The following CDK8 variants were observed in gnomAD, a reference collection of about 807,000 sequenced individuals.
CDK8 encodes the protein cyclin-dependent kinase 8.
Under a neutral mutation model 71.5 loss-of-function variants are expected in CDK8, and 29 were observed. That is an observed-to-expected ratio of 0.41 (90% CI 0.30 to 0.55). CDK8 has a LOEUF of 0.55. Among genes scored for constraint, CDK8 ranks in the 20% least tolerant of loss-of-function variants. The probability of loss-of-function intolerance (pLI) is 0.37; values close to 1 mark genes in which losing one functional copy is unlikely to be tolerated. For missense variants in CDK8, 288 were observed against 572.6 expected (o/e 0.50, Z 5.07); for synonymous variants, 161 against 192.1 (o/e 0.84, Z 1.34).
rs986144848 is a variant in CDK8 at position 26,404,141 on chromosome 13, C to G, written c.*60C>G. ...ATGCTGCAGGGCTGACTGTGCAGCT[C>G]TCTGCGGGAACCTGGTATGGGCCAT... is the stretch of plus-strand genomic sequence containing the variant. On this transcript the variant is annotated 3_prime_UTR_variant, in exon 13 of 13. Transcript: ENST00000381527. The G allele has an allele frequency of 2.5e-6, 4 of 1,589,892 alleles. No individual in the cohort carries two copies. The highest frequency in any genetic ancestry group is 1.1e-5 in the South Asian group (1 of 88,544).
chr13:26,324,648 C>A (rs1422835757), intron 1 of CDK8: 1 of 156,778 alleles, frequency 6.4e-6, no homozygotes, highest in East Asian at 1.9e-4. Context: ...ACATTAATTT[C>A]TGTTTTTAGG....
At chr13:26,300,474 AC>A (rs1245450708) in intron 1 of CDK8, among the ~76,000 whole-genome samples, 11 of 152,128 alleles carry the variant, frequency 7.2e-5, no homozygotes, top group Admixed American at 7.2e-4. Context: ...ATATTTTCAG[AC>A]TGAGGTTGAC....
Position 26,254,887 on chromosome 13 carries a change from G to A in CDK8, c.128+118G>A. On this transcript the variant is annotated intron_variant, in intron 1 of 12. Coordinates refer to ENST00000381527, the MANE Select transcript of CDK8 (RefSeq NM_001260.3). The surrounding 1 kb of genome is among the most constrained non-coding windows in gnomAD (Gnocchi z 6.7). ...CCGGGCTCTGACTTCCTCGACGCCG[G>A]CCTCTGGCTCCGCCAGCCAGGTTTG... The A allele has an allele frequency of 2.1e-6, 3 of 1,411,160 alleles. No individual in the cohort carries two copies. The highest frequency in any genetic ancestry group is 4.6e-5 in the Admixed American group (2 of 43,292). The allele number at this position is 1,411,160 out of a possible 1,614,324, so 87.4% of individuals were successfully genotyped here.
chr13:26,358,197 G>T (rs1873978756), intron 4 of CDK8, among the ~76,000 whole-genome samples: 1 of 152,144 alleles, frequency 6.6e-6, no homozygotes, highest in Admixed American at 6.5e-5. Flanking sequence ...TACTTGGGAG[G>T]TTGAGGCAGG....
At chr13:26,308,735 A>T (rs968388528) in intron 1 of CDK8, among the ~76,000 whole-genome samples, 1 of 152,220 alleles carries the variant, frequency 6.6e-6, no homozygotes, top group Admixed American at 6.5e-5. Flanking sequence ...ATCTTTTAGA[A>T]GAGTTGTTTG....
At chr13:26,339,073 A>G (rs940009796) in intron 2 of CDK8, among the ~76,000 whole-genome samples, 3 of 152,226 alleles carry the variant, frequency 2.0e-5, no homozygotes, top group Non-Finnish European at 2.9e-5. Context: ...ATGAAAGCCT[A>G]CTTTTAATGT....
intron 4 of CDK8, among the ~76,000 whole-genome samples, chr13:26,379,545 C>T (rs1159768551): frequency 6.6e-6 from 1 of 152,076 alleles, no homozygotes; most frequent in African/African-American, 2.4e-5. Flanking sequence ...ACCATCCATC[C>T]CAGGGCTTTT....
chr13:26,291,161 T>A (rs1280832955), intron 1 of CDK8, among the ~76,000 whole-genome samples: 2 of 151,812 alleles, frequency 1.3e-5, no homozygotes, highest in African/African-American at 2.4e-5. Flanking sequence ...ACACAAATAC[T>A]GTGTTACAGT....
intron 1 of CDK8, among the ~76,000 whole-genome samples, chr13:26,297,408 C>G (rs1459590604): frequency 2.0e-5 from 3 of 152,186 alleles, no homozygotes; most frequent in African/African-American, 7.2e-5. Flanking sequence ...ATGACAGTCA[C>G]TAACCTTGTT....
rs377113719 is a variant in CDK8 at position 26,349,864 on chromosome 13, C to T, written c.315+682C>T. Among the ~76,000 whole-genome samples, 29 of 152,172 alleles carry T rather than the reference C, an allele frequency of 1.9e-4. No homozygotes were observed. In the East Asian group the frequency reaches 2.1e-3, roughly 11 times the overall value. Reference sequence around the variant, plus strand: ...AGTAGTTCAATACAGTATAGTCATGCGCCATATAATGTTATTGTCAACTAG... The same window carrying T: ...AGTAGTTCAATACAGTATAGTCATGTGCCATATAATGTTATTGTCAACTAG... On this transcript the variant is annotated intron_variant, in intron 3 of 12. Coordinates refer to ENST00000381527, the MANE Select transcript of CDK8 (RefSeq NM_001260.3).
At position 26,404,607 on chromosome 13, in the gene CDK8, A is replaced by G; in HGVS notation, c.*526A>G. The G allele has an allele frequency of 4.3e-6, 1 of 231,808 alleles. No homozygotes were observed. The highest frequency in any genetic ancestry group is 8.5e-6 in the Non-Finnish European group (1 of 117,204). The allele number at this position is 231,808 out of a possible 1,614,324, so 14.4% of individuals were successfully genotyped here. A position where few individuals can be genotyped will look rare whatever the true frequency, so the allele number is the denominator to read the frequency against. On this transcript the variant is annotated 3_prime_UTR_variant, in exon 13 of 13. Coordinates refer to ENST00000381527, the MANE Select transcript of CDK8 (RefSeq NM_001260.3). ...ATCAGTGGGCTGATTCATTTTCTAC[A>G]TTAATCAGTGTTTTCTGACCAAGAA...
chr13:26,256,257 TA>T (rs1272497129), intron 1 of CDK8, among the ~76,000 whole-genome samples: 7 of 152,220 alleles, frequency 4.6e-5, no homozygotes, highest in Non-Finnish European at 8.8e-5. Flanking sequence ...GTTGTCTAAT[TA>T]GACTTATTGT....
intron 4 of CDK8, among the ~76,000 whole-genome samples, chr13:26,376,945 G>A (rs1025967033): frequency 1.3e-5 from 2 of 152,194 alleles, no homozygotes; most frequent in African/African-American, 2.4e-5. Context: ...GAAAGCAAAA[G>A]GTAGGGTTAG....
chr13:26,266,711 C>T (rs9319288), intron 1 of CDK8, among the ~76,000 whole-genome samples: 16,481 of 152,168 alleles, frequency 0.11, 2,642 homozygotes, highest in African/African-American at 0.35. Context: ...GTTTTTGGTA[C>T]TTTGATGGTT....
intron 1 of CDK8, among the ~76,000 whole-genome samples, chr13:26,326,550 C>T (rs553252853): frequency 6.4e-4 from 97 of 152,280 alleles, no homozygotes; most frequent in South Asian, 1.5e-3. Flanking sequence ...CTGTCTCTTT[C>T]GTTCCTTTTG....
chr13:26,338,890 G>A (rs1873104000), intron 2 of CDK8, among the ~76,000 whole-genome samples: 1 of 151,970 alleles, frequency 6.6e-6, no homozygotes, highest in Non-Finnish European at 1.5e-5. Context: ...CTAGTAACAC[G>A]GGTTATATAT....
chr13:26,334,433 A>G (rs189104565), intron 1 of CDK8, among the ~76,000 whole-genome samples: 1 of 152,234 alleles, frequency 6.6e-6, no homozygotes, highest in Admixed American at 6.5e-5. Flanking sequence ...TCTGATTCCA[A>G]TTTTGTTTTA....
chr13:26,280,905 G>A (rs1259427862), intron 1 of CDK8, among the ~76,000 whole-genome samples: 2 of 152,210 alleles, frequency 1.3e-5, no homozygotes, highest in Non-Finnish European at 2.9e-5. Context: ...ACCACCACAG[G>A]AGTGTACTAG....
At chr13:26,302,045 A>G (rs1873845659) in intron 1 of CDK8, among the ~76,000 whole-genome samples, 1 of 152,196 alleles carries the variant, frequency 6.6e-6, no homozygotes, top group Admixed American at 6.5e-5. Flanking sequence ...AATCTCCTGA[A>G]TGCTGTCTGC....
Sources: gnomAD v4.1 joint callset for allele counts (sites outside exome capture counted in the v4.1 genomes callset) on GRCh38, gnomAD v4.1.1 for gene constraint, Gnocchi (gnomAD v3.1) non-coding constraint, MANE v1.5 for transcripts, NCBI Gene and HGNC (gene_info 2026-07-23, HGNC 2026-07-21) for gene names.